Variants in FBLN5 observed in about 807,000 individuals in gnomAD.
FBLN5 encodes the protein fibulin-5.
In FBLN5, 24 loss-of-function variants were observed where a neutral mutation model predicts 61.6. The ratio of observed to expected loss-of-function variants is 0.39; its 90% CI spans 0.28 to 0.55. FBLN5 has a LOEUF of 0.55. FBLN5 is among the 20% of genes least tolerant of loss of function. The pLI is 0.65. For missense variants in FBLN5, 470 were observed against 594.1 expected, an observed-to-expected ratio of 0.79 and a Z score of 2.17; for synonymous variants, 213 against 219.8, an observed-to-expected ratio of 0.97 and a Z score of 0.27.
At chr14:91,921,990 G>A (rs2055744582) in intron 4 of FBLN5, among the ~76,000 whole-genome samples, 1 of 152,184 alleles carries the variant, frequency 6.6e-6, no homozygotes, top group Non-Finnish European at 1.5e-5. Flanking sequence ...CAGTCATGGA[G>A]CCCTTCCACA....
chr14:91,902,322 C>T (rs1306494226), intron 4 of FBLN5, among the ~76,000 whole-genome samples: 1 of 148,832 alleles, frequency 6.7e-6, no homozygotes, highest in Non-Finnish European at 1.5e-5. Flanking sequence ...AGGCTTTGGC[C>T]ATTATCATGA....
intron 4 of FBLN5, among the ~76,000 whole-genome samples, chr14:91,931,516 C>T (rs2055923480): frequency 6.6e-6 from 1 of 152,232 alleles, no homozygotes; most frequent in African/African-American, 2.4e-5. Context: ...TGCTCTCTGC[C>T]TGTTCTCAGA....
In FBLN5 at chr14:91,887,311, A is replaced by G. The variant is rs200178859; in HGVS notation, c.621T>C (p.Asp207=). The change falls in exon 7 of 11, where the codon GAT becomes GAC. Residue 207 remains aspartate (D), a splice_region_variant and synonymous_variant. Coordinates refer to ENST00000342058, the MANE Select transcript of FBLN5 (RefSeq NM_006329.4). ...GGTTCTCGGTGGCACACTCGTTCAC[A>G]TCTGTGGAAAGCCAAGGCACATTGC... is the stretch of plus-strand genomic sequence containing the variant. ...TLNEDGRSCQ[D]VNECATENPC... 1.3e-4 allele frequency: 208 copies of G among 1,612,824 alleles called. 6 individuals are homozygous for G. The East Asian group carries it at 1.4e-3, about 11-fold the overall frequency.
intron 9 of FBLN5, among the ~76,000 whole-genome samples, chr14:91,879,665 G>C (rs1455259574): frequency 6.6e-6 from 1 of 152,178 alleles, no homozygotes; most frequent in Non-Finnish European, 1.5e-5. Context: ...TTACGTCGGG[G>C]GTCAAAGAGC....
chr14:91,908,163 A>G (rs1890764340), intron 4 of FBLN5, among the ~76,000 whole-genome samples: 1 of 152,026 alleles, frequency 6.6e-6, no homozygotes, highest in South Asian at 2.1e-4. Context: ...ACTTCTCTGC[A>G]CTCCTCTGCC....
intron 4 of FBLN5, among the ~76,000 whole-genome samples, chr14:91,909,592 G>C (rs1263133196): frequency 1.3e-5 from 2 of 152,142 alleles, no homozygotes; most frequent in African/African-American, 4.8e-5. Flanking sequence ...CCCCATGATG[G>C]AATTGGTGGC....
At chr14:91,887,452 T>G (rs1889780669) in intron 6 of FBLN5, 140 bp from the exon 7 acceptor site, 2 of 856,116 alleles carry the variant, frequency 2.3e-6, no homozygotes, top group South Asian at 2.7e-5. Flanking sequence ...ACCCAGGACC[T>G]TTGGGAGCAT....
At chr14:91,944,421 T>G (rs2056153110) in intron 1 of FBLN5, among the ~76,000 whole-genome samples, 1 of 152,198 alleles carries the variant, frequency 6.6e-6, no homozygotes, top group South Asian at 2.1e-4. Flanking sequence ...AAACATAGAA[T>G]TTCCATGTGA....
chr14:91,889,169 A>C (rs942148008), intron 6 of FBLN5, among the ~76,000 whole-genome samples: 10 of 152,192 alleles, frequency 6.6e-5, no homozygotes, highest in Non-Finnish European at 1.3e-4. Context: ...GGGTTTCCCC[A>C]CCGGGGACAG....
chr14:91,907,899 T>C (rs1861929390), intron 4 of FBLN5, among the ~76,000 whole-genome samples: 2 of 152,088 alleles, frequency 1.3e-5, no homozygotes, highest in African/African-American at 4.8e-5. Flanking sequence ...TGGCAATAAG[T>C]TTTATGCTTT....
At chr14:91,883,652 AAAAAC>A (rs1324079035) in intron 7 of FBLN5, among the ~76,000 whole-genome samples, 1 of 149,352 alleles carries the variant, frequency 6.7e-6, no homozygotes, top group Non-Finnish European at 1.5e-5. Flanking sequence ...GTGTAAAAAA[AAAAAC>A]AAAAAAAACA....
At chr14:91,910,718 C>T (rs1195882940) in intron 4 of FBLN5, among the ~76,000 whole-genome samples, 1 of 152,184 alleles carries the variant, frequency 6.6e-6, no homozygotes, top group Non-Finnish European at 1.5e-5. Context: ...CACATCTCTT[C>T]TGTAACCCCA....
intron 4 of FBLN5, among the ~76,000 whole-genome samples, chr14:91,918,753 T>C (rs567836478): frequency 2.0e-5 from 3 of 152,188 alleles, no homozygotes; most frequent in Non-Finnish European, 2.9e-5. Flanking sequence ...AGCTGACCTA[T>C]CAACAAGCCA....
Position 91,937,035 on chromosome 14 carries a change from T to C in FBLN5, c.291A>G (p.Pro97=). ...PYSGPYPAAA[P]PLSAPNYPTI... Reference sequence around the variant, plus strand: ...TGGGATAGTTTGGAGCTGAGAGTGGTGGGGCAGCTGCTGGGTACGGACCTG... The same window carrying C: ...TGGGATAGTTTGGAGCTGAGAGTGGCGGGGCAGCTGCTGGGTACGGACCTG... The change falls in exon 4 of 11, where the codon CCA becomes CCG. Residue 97 remains proline (P), a synonymous_variant. Coordinates refer to ENST00000342058, the MANE Select transcript of FBLN5 (RefSeq NM_006329.4). The C allele has an allele frequency of 6.2e-7, 1 of 1,613,984 alleles. No individual in the cohort carries two copies. Among genetic ancestry groups the C allele is most frequent in the Non-Finnish European group, 8.5e-7 (1 of 1,179,986 alleles).
chr14:91,882,884 T>C lies in FBLN5; in HGVS notation c.862+70A>G. ...GCACATGATTCCCCAGGTGAGGATATCCAGATGAGCCCCTGAAGCAGCTCC... is the reference window on the plus strand; with the variant it reads ...GCACATGATTCCCCAGGTGAGGATACCCAGATGAGCCCCTGAAGCAGCTCC... On this transcript the variant is annotated intron_variant, in intron 8 of 10. Transcript: ENST00000342058. The surrounding 1 kb of genome is among the most constrained non-coding windows in gnomAD (Gnocchi z 4.9). 6.4e-7 allele frequency: 1 copy of C among 1,574,582 alleles called. No homozygotes were observed. The highest frequency in any genetic ancestry group is 8.7e-7 in the Non-Finnish European group (1 of 1,150,438).
chr14:91,927,616 C>T (rs1440652467), intron 4 of FBLN5, among the ~76,000 whole-genome samples: 1 of 152,226 alleles, frequency 6.6e-6, no homozygotes, highest in African/African-American at 2.4e-5. Flanking sequence ...TAGCATGCAC[C>T]TCCTACTAAC....
At position 91,877,489 on chromosome 14, in the gene FBLN5, G is replaced by T; in HGVS notation, c.1183C>A (p.Arg395=). The T allele has an allele frequency of 6.2e-7, 1 of 1,612,470 alleles. No individual in the cohort carries two copies. The change falls in exon 10 of 11, where the codon CGG becomes AGG. Residue 395 remains arginine (R), a splice_region_variant and synonymous_variant. Coordinates refer to ENST00000342058, the MANE Select transcript of FBLN5 (RefSeq NM_006329.4). ...CCCCACTCCCCACTCCCTCTTACCC[G>T]CATGTAAAATTCTCTGCCCTCATTC... The part of the protein sequence containing the change: ...SGNEGREFYM[R]QTGPISATLV...
At chr14:91,870,463 C>T in intron 10 of FBLN5, 78 bp from the exon 11 acceptor site, 2 of 1,451,574 alleles carry the variant, frequency 1.4e-6, no homozygotes, top group South Asian at 1.1e-5. Flanking sequence ...CGCTCCCTTG[C>T]CTCCGTCAGT....
chr14:91,872,170 T>G (rs1172314603), intron 10 of FBLN5, among the ~76,000 whole-genome samples: 2 of 152,062 alleles, frequency 1.3e-5, no homozygotes, highest in Non-Finnish European at 2.9e-5. Context: ...TCCCATGAGG[T>G]TAAATAATTG....
Sources: gnomAD v4.1 joint callset for allele counts (sites outside exome capture counted in the v4.1 genomes callset) on GRCh38, gnomAD v4.1.1 for gene constraint, Gnocchi (gnomAD v3.1) non-coding constraint, MANE v1.5 for transcripts, NCBI Gene and HGNC (gene_info 2026-07-23, HGNC 2026-07-21) for gene names.